Variants in MSRA observed in about 807,000 individuals in gnomAD.
MSRA encodes methionine sulfoxide reductase A.
Under a neutral mutation model 31.3 loss-of-function variants are expected in MSRA, and 54 were observed. That is an observed-to-expected ratio of 1.73 (90% CI 1.39 to 2.17). MSRA has a LOEUF of 2.17. MSRA is among the 30% of genes most tolerant of loss of function. The pLI is 0.00. For synonymous variants in MSRA, 169 were observed against 116.5 expected, an observed-to-expected ratio of 1.45 and a Z score of -2.90; for missense variants, 507 against 300.9, an observed-to-expected ratio of 1.69 and a Z score of -5.07.
Position 10,066,286 on chromosome 8 carries a change from C to G in MSRA, c.142+11628C>G, listed in dbSNP as rs574983592. Among the ~76,000 whole-genome samples the G allele has an allele frequency of 3.3e-5, 5 of 152,226 alleles. No individual in the cohort carries two copies. The East Asian group carries it at 9.7e-4, about 30-fold the overall frequency. On this transcript the variant is annotated intron_variant, in intron 1 of 5. Transcript: ENST00000317173. ...ACAGGCGTGAGCCCCTCTGCCCGGC[C>G]AACTTTGTATTTTTGCTCAAAGTTT...
intron 3 of MSRA, among the ~76,000 whole-genome samples, chr8:10,299,765 A>G (rs1053908997): frequency 6.6e-6 from 1 of 152,196 alleles, no homozygotes; most frequent in African/African-American, 2.4e-5. Context: ...CTGGCCCTCA[A>G]AAACGCTGCC....
At chr8:10,381,995 G>C (rs1806098098) in intron 5 of MSRA, among the ~76,000 whole-genome samples, 2 of 152,208 alleles carry the variant, frequency 1.3e-5, no homozygotes. Flanking sequence ...TATGTGATTG[G>C]AGAATAGTAA....
intron 3 of MSRA, among the ~76,000 whole-genome samples, chr8:10,255,350 G>C (rs1201860831): frequency 6.6e-6 from 1 of 152,218 alleles, no homozygotes; most frequent in Non-Finnish European, 1.5e-5. Context: ...TGGCGGGCCA[G>C]GAGCCCCAGG....
intron 3 of MSRA, among the ~76,000 whole-genome samples, chr8:10,300,810 C>T (rs1216459597): frequency 6.6e-6 from 1 of 152,086 alleles, no homozygotes. Flanking sequence ...GAAAGAAGGA[C>T]ATGAATTTCA....
intron 2 of MSRA, among the ~76,000 whole-genome samples, chr8:10,221,102 G>T (rs67943945): frequency 0.13 from 20,209 of 152,220 alleles, 1,481 homozygotes; most frequent in East Asian, 0.27. Flanking sequence ...CATGGAGTCT[G>T]TGTGGGGCTC....
chr8:10,256,412 G>C (rs1798182694), intron 3 of MSRA, among the ~76,000 whole-genome samples: 1 of 152,024 alleles, frequency 6.6e-6, no homozygotes. Flanking sequence ...TGACAATTAC[G>C]GATGAAGCTG....
intron 2 of MSRA, among the ~76,000 whole-genome samples, chr8:10,220,794 T>A (rs1375212704): frequency 6.6e-6 from 1 of 152,198 alleles, no homozygotes; most frequent in Non-Finnish European, 1.5e-5. Flanking sequence ...ATGACCTTTG[T>A]CAGGGTGGCA....
intron 1 of MSRA, among the ~76,000 whole-genome samples, chr8:10,112,576 A>T (rs1800368037): frequency 6.6e-6 from 1 of 152,356 alleles, no homozygotes; most frequent in African/African-American, 2.4e-5. Context: ...AGATGCTGTG[A>T]TTACATGGAA....
intron 2 of MSRA, among the ~76,000 whole-genome samples, chr8:10,209,314 C>A (rs143311223): frequency 2.0e-5 from 3 of 152,110 alleles, no homozygotes; most frequent in African/African-American, 7.2e-5. Flanking sequence ...GATTCGCCAA[C>A]CCCAGGCATA....
chr8:10,226,344 G>A (rs1810998591), intron 2 of MSRA, among the ~76,000 whole-genome samples: 1 of 152,182 alleles, frequency 6.6e-6, no homozygotes, highest in Non-Finnish European at 1.5e-5. Flanking sequence ...ATGTTTTACT[G>A]CTTGTCAAGA....
intron 1 of MSRA, among the ~76,000 whole-genome samples, chr8:10,132,542 C>G (rs552622321): frequency 6.6e-6 from 1 of 152,160 alleles, no homozygotes; most frequent in African/African-American, 2.4e-5. Context: ...GATCAAGGCA[C>G]TGGCAGATTT....
intron 3 of MSRA, among the ~76,000 whole-genome samples, chr8:10,278,716 G>A (rs569809562): frequency 3.3e-5 from 5 of 152,318 alleles, no homozygotes; most frequent in African/African-American, 1.2e-4. Flanking sequence ...TCCCTGTGGT[G>A]ACATGGTAAC....
chr8:10,262,909 C>G (rs1020864621), intron 3 of MSRA, among the ~76,000 whole-genome samples: 2 of 152,194 alleles, frequency 1.3e-5, no homozygotes, highest in African/African-American at 4.8e-5. Context: ...TTTGGCCTCT[C>G]ATTTTTTGCC....
At chr8:10,260,933 T>C (rs1006428532) in intron 3 of MSRA, among the ~76,000 whole-genome samples, 1 of 152,244 alleles carries the variant, frequency 6.6e-6, no homozygotes, top group African/African-American at 2.4e-5. Flanking sequence ...ATAAATTTTC[T>C]AAACACTGAA....
rs572089637 is a variant in MSRA, at chr8:10,075,529, G to C, written c.142+20871G>C. The stretch of plus-strand genomic sequence containing the variant: ...TGTTGAATATTTATGGAAGAGAAGT[G>C]TTTCTACAAATATGTAAAAATATTG... On this transcript the variant is annotated intron_variant, in intron 1 of 5. Coordinates refer to ENST00000317173, the MANE Select transcript of MSRA (RefSeq NM_012331.5). Among the ~76,000 whole-genome samples the C allele has an allele frequency of 3.3e-5, 5 of 152,274 alleles. No homozygotes were observed. The South Asian group carries it at 1.0e-3, about 32-fold the overall frequency.
At position 10,255,718 on chromosome 8, in the gene MSRA, C is replaced by T. The variant is rs546557987; in HGVS notation, c.331+10495C>T. Among the ~76,000 whole-genome samples the T allele has an allele frequency of 4.0e-5, 6 of 151,140 alleles. No homozygotes were observed. In the South Asian group the frequency reaches 1.3e-3, roughly 32 times the overall value. ...CAATCATCTGTCTGGTTTTGAGAGT[C>T]AGGTCGTAAAATGGTGAAATCACAT... On this transcript the variant is annotated intron_variant, in intron 3 of 5. Coordinates refer to ENST00000317173, the MANE Select transcript of MSRA (RefSeq NM_012331.5).
At chr8:10,144,300 C>T (rs1256243731) in intron 1 of MSRA, among the ~76,000 whole-genome samples, 1 of 152,148 alleles carries the variant, frequency 6.6e-6, no homozygotes, top group Non-Finnish European at 1.5e-5. Context: ...AGCCAGTCTG[C>T]CTGGGTTCAG....
chr8:10,092,460 C>A (rs1798904831), intron 1 of MSRA, among the ~76,000 whole-genome samples: 1 of 152,082 alleles, frequency 6.6e-6, no homozygotes, highest in Admixed American at 6.5e-5. Context: ...AGATCGAGAC[C>A]ATCCTGGCCA....
intron 1 of MSRA, among the ~76,000 whole-genome samples, chr8:10,135,371 G>A (rs963401332): frequency 2.0e-5 from 3 of 152,156 alleles, no homozygotes; most frequent in Non-Finnish European, 2.9e-5. Context: ...AGAGAGTTTT[G>A]CCAGTTCCAT....
Sources: allele counts gnomAD v4.1 joint callset (sites outside exome capture counted in the v4.1 genomes callset), GRCh38; gene constraint gnomAD v4.1.1; transcripts MANE v1.5; gene names NCBI Gene and HGNC (gene_info 2026-07-23, HGNC 2026-07-21).